PPM1E: variants seen among roughly 807,000 people sequenced by gnomAD.
PPM1E encodes the protein protein phosphatase 1E.
A neutral mutation model predicts 65.9 loss-of-function variants in PPM1E; 20 were observed. That is an observed-to-expected ratio of 0.30 (90% CI 0.21 to 0.44). The LOEUF is 0.44. PPM1E is among the 20% of genes least tolerant of loss of function. The pLI, the probability that PPM1E is intolerant of heterozygous loss-of-function variation, is 1.00. For synonymous variants in PPM1E, 352 were observed against 374.9 expected, an observed-to-expected ratio of 0.94 and a Z score of 0.70; for missense variants, 713 against 953.1, an observed-to-expected ratio of 0.75 and a Z score of 3.32.
intron 2 of PPM1E, among the ~76,000 whole-genome samples, chr17:58,965,206 T>C (rs1021295958): frequency 6.6e-6 from 1 of 152,200 alleles, no homozygotes; most frequent in African/African-American, 2.4e-5. Context: ...CCTTCTTATT[T>C]CTGTAGTTTG....
chr17:58,756,718 C>A (rs1421505439), intron 1 of PPM1E, among the ~76,000 whole-genome samples: 1 of 152,040 alleles, frequency 6.6e-6, no homozygotes, highest in Admixed American at 6.5e-5. Flanking sequence ...TGAGCCCCGG[C>A]GCCCTCCCGC....
intron 1 of PPM1E, among the ~76,000 whole-genome samples, chr17:58,883,483 C>CTT (rs71143299): frequency 0.016 from 1,842 of 111,862 alleles, 83 homozygotes; most frequent in African/African-American, 0.04. Context: ...GCTGCCTGTT[C>CTT]TTTTTTTTTT....
chr17:58,869,394 A>G (rs112104691), intron 1 of PPM1E, among the ~76,000 whole-genome samples: 1 of 152,178 alleles, frequency 6.6e-6, no homozygotes, highest in African/African-American at 2.4e-5. Flanking sequence ...GGGGCAGATC[A>G]TTTGTGAGTG....
At chr17:58,923,486 C>T (rs1466556272) in intron 1 of PPM1E, among the ~76,000 whole-genome samples, 4 of 151,580 alleles carry the variant, frequency 2.6e-5, no homozygotes, top group African/African-American at 9.7e-5. Context: ...TGGCTCACGC[C>T]TGTAATCCCA....
chr17:58,755,992 G>C lies in PPM1E; in HGVS notation c.-6G>C. ...TTTCCCGGTCTGCCCTGGGGCATGA[G>C]CAGCGATGGCCGGCTGCATCCCTGA... On this transcript the variant is annotated 5_prime_UTR_variant, in exon 1 of 7. Coordinates refer to ENST00000308249, the MANE Select transcript of PPM1E (RefSeq NM_014906.5). 3.7e-6 allele frequency: 6 copies of C among 1,613,998 alleles called. No individual in the cohort carries two copies. The highest frequency in any genetic ancestry group is 5.1e-6 in the Non-Finnish European group (6 of 1,179,912).
intron 1 of PPM1E, among the ~76,000 whole-genome samples, chr17:58,922,676 T>C (rs997272425): frequency 6.7e-6 from 1 of 148,860 alleles, no homozygotes; most frequent in African/African-American, 2.5e-5. Flanking sequence ...TAAATATATG[T>C]CTTGAAGTAC....
At chr17:58,824,919 G>A (rs2050517998) in intron 1 of PPM1E, among the ~76,000 whole-genome samples, 2 of 151,670 alleles carry the variant, frequency 1.3e-5, no homozygotes, top group African/African-American at 4.8e-5. Flanking sequence ...GCTTCTTTGT[G>A]TTTTATCTTG....
chr17:58,779,880 A>G (rs2050034555), intron 1 of PPM1E, among the ~76,000 whole-genome samples: 1 of 152,106 alleles, frequency 6.6e-6, no homozygotes, highest in African/African-American at 2.4e-5. Context: ...AAATTTTTTA[A>G]AAGTGTATCA....
At chr17:58,972,660 T>G (rs913076821) in intron 5 of PPM1E, among the ~76,000 whole-genome samples, 172 bp from the exon 6 acceptor site, 1 of 152,170 alleles carries the variant, frequency 6.6e-6, no homozygotes, top group Admixed American at 6.5e-5. Flanking sequence ...CAGGATTCAC[T>G]TAATTATTAC....
intron 1 of PPM1E, among the ~76,000 whole-genome samples, chr17:58,782,602 G>A (rs899297165): frequency 6.6e-6 from 1 of 151,340 alleles, no homozygotes; most frequent in Non-Finnish European, 1.5e-5. Context: ...AATAGAGACG[G>A]GGTTTCACCA....
intron 1 of PPM1E, among the ~76,000 whole-genome samples, chr17:58,867,780 C>T (rs1906416211): frequency 6.6e-6 from 1 of 152,116 alleles, no homozygotes. Flanking sequence ...ATACACTTCC[C>T]CCTTTTGAGA....
intron 6 of PPM1E, among the ~76,000 whole-genome samples, chr17:58,979,021 T>G (rs943268943): frequency 6.6e-6 from 1 of 152,152 alleles, no homozygotes; most frequent in African/African-American, 2.4e-5. Flanking sequence ...GTTCCCTCAA[T>G]TGAGGCAACT....
chr17:58,956,499 C>T (rs892988170), intron 2 of PPM1E, among the ~76,000 whole-genome samples: 4 of 150,452 alleles, frequency 2.7e-5, no homozygotes, highest in African/African-American at 7.3e-5. Flanking sequence ...TTAAAAGATA[C>T]AAAAATTCAA....
intron 1 of PPM1E, among the ~76,000 whole-genome samples, chr17:58,822,875 G>A (rs887730373): frequency 2.0e-5 from 3 of 152,150 alleles, no homozygotes; most frequent in African/African-American, 7.2e-5. Context: ...GATTGTAATA[G>A]ATTCTGTTGT....
At chr17:58,757,422 A>G (rs771012842) in intron 1 of PPM1E, among the ~76,000 whole-genome samples, 1 of 152,190 alleles carries the variant, frequency 6.6e-6, no homozygotes, top group Non-Finnish European at 1.5e-5. Flanking sequence ...GCGTTTCTCA[A>G]TGGAATTGTT....
At chr17:58,877,174 T>A (rs1010138618) in intron 1 of PPM1E, among the ~76,000 whole-genome samples, 1 of 152,206 alleles carries the variant, frequency 6.6e-6, no homozygotes, top group African/African-American at 2.4e-5. Context: ...ACATAAAATG[T>A]TTTGCTTTAA....
intron 1 of PPM1E, among the ~76,000 whole-genome samples, chr17:58,891,989 C>G (rs2051353453): frequency 6.6e-6 from 1 of 151,816 alleles, no homozygotes. Context: ...GCATGCGCCA[C>G]CATGCATGGC....
At position 58,933,607 on chromosome 17, in the gene PPM1E, C is replaced by G. The variant is rs554868469; in HGVS notation, c.465-22042C>G. 1.7e-3 allele frequency among the ~76,000 whole-genome samples: 251 copies of G among 151,792 alleles called. 1 individual carries two copies. Among genetic ancestry groups the G allele is most frequent in the Middle Eastern group, 0.014 (4 of 290 alleles). Reference sequence around the variant, plus strand: ...GATCAGGAGTTGGAGACCAGCCTGGCCAACATGGTGAAACTCCATCTCTAC... The same window carrying G: ...GATCAGGAGTTGGAGACCAGCCTGGGCAACATGGTGAAACTCCATCTCTAC... On this transcript the variant is annotated intron_variant, in intron 1 of 6. Coordinates refer to ENST00000308249, the MANE Select transcript of PPM1E (RefSeq NM_014906.5).
At chr17:58,765,225 T>C (rs1258975795) in intron 1 of PPM1E, among the ~76,000 whole-genome samples, 2 of 151,086 alleles carry the variant, frequency 1.3e-5, no homozygotes, top group East Asian at 3.9e-4. Flanking sequence ...GTCACCAAGC[T>C]GGAGTGCAGT....
Sources: gnomAD v4.1 joint callset for allele counts (sites outside exome capture counted in the v4.1 genomes callset) on GRCh38, gnomAD v4.1.1 for gene constraint, MANE v1.5 for transcripts, NCBI Gene and HGNC (gene_info 2026-07-23, HGNC 2026-07-21) for gene names.